ITGA11: variants seen among roughly 807,000 people sequenced by gnomAD.
ITGA11 encodes the protein integrin subunit alpha 11, also known as integrin alpha-11.
In ITGA11, 97 loss-of-function variants were observed where a neutral mutation model predicts 141.9. The observed-to-expected ratio is 0.68, with a 90% CI of 0.58 to 0.81. ITGA11 has a LOEUF of 0.81. Ranked by LOEUF, ITGA11 falls within the 30% of genes least tolerant of loss-of-function variation. The pLI is 0.00. For synonymous variants in ITGA11, 658 were observed against 624.6 expected (o/e 1.05, Z -0.80); for missense variants, 1,387 against 1,559.2 (o/e 0.89, Z 1.86).
Position 68,358,464 on chromosome 15 carries a change from C to T in ITGA11, c.594G>A (p.Gln198=), listed in dbSNP as rs1250135493. 1.2e-6 allele frequency: 2 copies of T among 1,609,080 alleles called. No homozygotes were observed. Among genetic ancestry groups the T allele is most frequent in the South Asian group, 2.2e-5 (2 of 89,710 alleles). The part of the protein sequence containing the change: ...ILKKFYIGPG[Q]IQVGVVQYGE... ...GAGCCCAAGAGATGCTCACCTGGATCTGCCCTGGGCCAATGTAAAACTTTT... is the reference window on the plus strand; with the variant it reads ...GAGCCCAAGAGATGCTCACCTGGATTTGCCCTGGGCCAATGTAAAACTTTT... Residue 198 remains glutamine (Q), a synonymous_variant, in exon 6 of 30, where the codon CAG becomes CAA. Transcript: ENST00000315757.
intron 18 of ITGA11, among the ~76,000 whole-genome samples, chr15:68,323,855 C>T (rs889699987): frequency 2.6e-5 from 4 of 152,154 alleles, no homozygotes; most frequent in African/African-American, 9.7e-5. Flanking sequence ...CTTGATTGTA[C>T]GTCCTCCAAG....
In ITGA11 at chr15:68,385,066, ACAC is replaced by A. The variant is rs1895950740; in HGVS notation, c.165-15785_165-15783del. Among the ~76,000 whole-genome samples, 5 of 152,210 alleles carry A rather than the reference ACAC, an allele frequency of 3.3e-5. No individual in the cohort carries two copies. In the South Asian group the frequency reaches 1.0e-3, roughly 32 times the overall value. On this transcript the variant is annotated intron_variant, in intron 2 of 29. Transcript: ENST00000315757. ...CCTCTGCCCCATGGTAGACACTTAAACACCATCTCCTATTTCTTCCTCATAAGA... is the reference window on the plus strand; with the variant it reads ...CCTCTGCCCCATGGTAGACACTTAAACATCTCCTATTTCTTCCTCATAAGA...
chr15:68,342,046 TGAG>T (rs1185191424), intron 10 of ITGA11, among the ~76,000 whole-genome samples: 1 of 152,160 alleles, frequency 6.6e-6, no homozygotes, highest in African/African-American at 2.4e-5. Flanking sequence ...GGGGACACTG[TGAG>T]GAGTAGACAG....
intron 4 of ITGA11, among the ~76,000 whole-genome samples, chr15:68,364,391 G>T (rs1895348319): frequency 1.3e-5 from 2 of 152,164 alleles, no homozygotes; most frequent in Admixed American, 1.3e-4. Context: ...AGACTTGTTG[G>T]CTATCTACAT....
At chr15:68,386,512 A>G (rs1311172660) in intron 2 of ITGA11, among the ~76,000 whole-genome samples, 6 of 152,186 alleles carry the variant, frequency 3.9e-5, no homozygotes, top group Admixed American at 6.5e-5. Context: ...TCAGGCCACC[A>G]TGTCTGTCCC....
At chr15:68,319,239 C>A (rs770343774) in intron 20 of ITGA11, among the ~76,000 whole-genome samples, 2 of 152,238 alleles carry the variant, frequency 1.3e-5, no homozygotes, top group Non-Finnish European at 2.9e-5. Flanking sequence ...AGGCCTTAAC[C>A]CCTCCCTATG....
intron 21 of ITGA11, among the ~76,000 whole-genome samples, chr15:68,316,853 AC>A (rs1285437079): frequency 1.8e-4 from 27 of 151,830 alleles, no homozygotes; most frequent in African/African-American, 6.5e-4. Flanking sequence ...TCACATACCC[AC>A]CCTCTATTCA....
chr15:68,317,210 C>T, intron 21 of ITGA11, 55 bp downstream of exon 21: 2 of 1,289,426 alleles, frequency 1.6e-6, no homozygotes, highest in South Asian at 2.4e-5. Flanking sequence ...CCCCAAACTA[C>T]CTGTGCCTCC....
intron 1 of ITGA11, among the ~76,000 whole-genome samples, chr15:68,403,359 C>G (rs756814519): frequency 6.6e-6 from 1 of 152,060 alleles, no homozygotes; most frequent in African/African-American, 2.4e-5. Flanking sequence ...GTCATGGGGG[C>G]GGATCCCTCA....
At chr15:68,350,137 C>T (rs1222618766) in intron 9 of ITGA11, among the ~76,000 whole-genome samples, 10 of 152,264 alleles carry the variant, frequency 6.6e-5, no homozygotes, top group African/African-American at 1.2e-4. Flanking sequence ...GTTCATAAAA[C>T]GCACAGCCTC....
intron 7 of ITGA11, among the ~76,000 whole-genome samples, chr15:68,352,583 G>A (rs1894948913): frequency 6.6e-6 from 1 of 152,192 alleles, no homozygotes; most frequent in African/African-American, 2.4e-5. Flanking sequence ...GGGTGACTCA[G>A]CATCCAGACA....
intron 6 of ITGA11, 139 bp from the exon 7 acceptor site, chr15:68,357,438 A>G: frequency 9.9e-7 from 1 of 1,005,522 alleles, no homozygotes; most frequent in South Asian, 2.0e-5. Flanking sequence ...TTTCCAAGAA[A>G]GTAACCACAG....
chr15:68,370,564 C>A (rs952397781), intron 2 of ITGA11, among the ~76,000 whole-genome samples: 1 of 152,218 alleles, frequency 6.6e-6, no homozygotes, highest in Non-Finnish European at 1.5e-5. Context: ...GCCCTCTAGG[C>A]CTTGGGTGCC....
intron 2 of ITGA11, among the ~76,000 whole-genome samples, chr15:68,400,784 T>TATA (rs375222442): frequency 0.03 from 230 of 7,688 alleles, 81 homozygotes; most frequent in East Asian, 0.29. Flanking sequence ...TAATAAATAT[T>TATA]ATATTATATA....
At chr15:68,430,974 A>G (rs1311142212) in intron 1 of ITGA11, among the ~76,000 whole-genome samples, 1 of 152,208 alleles carries the variant, frequency 6.6e-6, no homozygotes, top group Non-Finnish European at 1.5e-5. Context: ...TCTGACCCCC[A>G]CTACTGGCCC....
At position 68,299,814 on chromosome 15, in the gene ITGA11, T is replaced by C. The variant is rs948720009; in HGVS notation, c.*3245A>G. 2 of 152,246 alleles carry C rather than the reference T, an allele frequency of 1.3e-5. No individual in the cohort carries two copies. Among genetic ancestry groups the C allele is most frequent in the Non-Finnish European group, 2.9e-5 (2 of 68,044 alleles). 9.4% of individuals were successfully genotyped at this position (152,246 alleles called of 1,614,324 possible). On this transcript the variant is annotated 3_prime_UTR_variant, in exon 30 of 30. Transcript: ENST00000315757. ...CCTCTAGGGATGGAAAGGTCCACAC[T>C]GTCTCCTAGAAGCTCTTCCACATGT...
At chr15:68,330,737 G>A (rs1286005435) in intron 15 of ITGA11, among the ~76,000 whole-genome samples, 1 of 152,182 alleles carries the variant, frequency 6.6e-6, no homozygotes, top group South Asian at 2.1e-4. Flanking sequence ...ACATGCTTGA[G>A]TAGCCATAAC....
At position 68,350,656 on chromosome 15, in the gene ITGA11, T is replaced by C. The variant is rs939252050; in HGVS notation, c.1021A>G (p.Ile341Val). Reference protein sequence around the residue: ...NVTDEAALKDIVDALGDRIFS... With the variant: ...NVTDEAALKDVVDALGDRIFS... ...ATTCTGTCCCCCAGGGCATCGACAATGTCCTTCAAGGCAGCCTCATCAGTG... is the reference window on the plus strand; with the variant it reads ...ATTCTGTCCCCCAGGGCATCGACAACGTCCTTCAAGGCAGCCTCATCAGTG... Residue 341 changes from isoleucine (I) to valine (V), a missense_variant, in exon 9 of 30, where the codon ATT becomes GTT. Coordinates refer to ENST00000315757, the MANE Select transcript of ITGA11 (RefSeq NM_001004439.2). The C allele has an allele frequency of 1.9e-6, 3 of 1,613,926 alleles. No individual in the cohort carries two copies. Among genetic ancestry groups the C allele is most frequent in the Non-Finnish European group, 2.5e-6 (3 of 1,179,852 alleles).
At chr15:68,389,209 A>ACT (rs1896059324) in intron 2 of ITGA11, among the ~76,000 whole-genome samples, 3 of 151,964 alleles carry the variant, frequency 2.0e-5, no homozygotes, top group African/African-American at 4.8e-5. Flanking sequence ...TTGGAAATTA[A>ACT]CTCTCTCTCC....
Sources: gnomAD v4.1 joint callset for allele counts (sites outside exome capture counted in the v4.1 genomes callset) on GRCh38, gnomAD v4.1.1 for gene constraint, MANE v1.5 for transcripts, NCBI Gene and HGNC (gene_info 2026-07-23, HGNC 2026-07-21) for gene names.